Variants in FAM91A1 observed in about 807,000 individuals in gnomAD.
FAM91A1 encodes the protein family with sequence similarity 91 member A1.
FAM91A1 carries 41 observed loss-of-function variants against 113.5 expected under a neutral mutation model. That is an observed-to-expected ratio of 0.36 (90% CI 0.28 to 0.47). The LOEUF (loss-of-function observed/expected upper bound fraction) is 0.47. Among genes scored for constraint, FAM91A1 ranks in the 20% least tolerant of loss-of-function variants. The pLI is 1.00. For missense variants in FAM91A1, 696 were observed against 1,001.2 expected (o/e 0.70, Z 4.11); for synonymous variants, 307 against 347.9 (o/e 0.88, Z 1.31).
rs1367706447 is a variant in FAM91A1 at position 123,778,016 on chromosome 8, T to C, written c.368-9T>C. The C allele has an allele frequency of 6.2e-7, 1 of 1,610,282 alleles. No homozygotes were observed. Among genetic ancestry groups the C allele is most frequent in the South Asian group, 1.1e-5 (1 of 90,842 alleles). On this transcript the variant is annotated splice_polypyrimidine_tract_variant and intron_variant, in intron 4 of 23. Coordinates refer to ENST00000334705, the MANE Select transcript of FAM91A1 (RefSeq NM_144963.4). ...TAAATGTTTTTAAAGGAAAGACTCT[T>C]TTTTTCAGGTCTAAGGCTTCTTGGC...
intron 8 of FAM91A1, among the ~76,000 whole-genome samples, chr8:123,781,435 A>T (rs1179913450): frequency 6.7e-6 from 1 of 148,496 alleles, no homozygotes; most frequent in African/African-American, 2.5e-5. Context: ...TATGTTTGTG[A>T]TTCTTTAATA....
At chr8:123,809,742 C>T (rs1815905263) in intron 22 of FAM91A1, among the ~76,000 whole-genome samples, 2 of 152,104 alleles carry the variant, frequency 1.3e-5, no homozygotes, top group Admixed American at 6.6e-5. Flanking sequence ...GAAGAGTACT[C>T]AGTTGACAAT....
intron 1 of FAM91A1, among the ~76,000 whole-genome samples, chr8:123,769,739 A>G (rs766953126): frequency 2.6e-4 from 40 of 152,236 alleles, no homozygotes; most frequent in Non-Finnish European, 5.7e-4. Context: ...AAATGAATAA[A>G]TACGTAACAT....
At chr8:123,772,311 G>C (rs1480829116) in intron 1 of FAM91A1, among the ~76,000 whole-genome samples, 1 of 152,200 alleles carries the variant, frequency 6.6e-6, no homozygotes, top group South Asian at 2.1e-4. Context: ...GCAAAATTGT[G>C]TGCTTGTTTG....
In FAM91A1 at chr8:123,803,003, T is replaced by C. The variant is rs1383157086; in HGVS notation, c.1810-2264T>C. 2.0e-5 allele frequency among the ~76,000 whole-genome samples: 3 copies of C among 152,184 alleles called. No individual in the cohort carries two copies. The East Asian group carries it at 5.8e-4, about 29-fold the overall frequency. Reference sequence around the variant, plus strand: ...TGGGTGATTCCACGAGCTTCAGTTTTCCTTACCTTTAAAATGAAGGGTGGC... The same window carrying C: ...TGGGTGATTCCACGAGCTTCAGTTTCCCTTACCTTTAAAATGAAGGGTGGC... On this transcript the variant is annotated intron_variant, in intron 18 of 23. Transcript: ENST00000334705.
At chr8:123,808,748 C>T (rs1815875580) in intron 21 of FAM91A1, 145 bp from the exon 22 acceptor site, 1 of 734,638 alleles carries the variant, frequency 1.4e-6, no homozygotes, top group Non-Finnish European at 2.1e-6. Context: ...TCAATTTCTT[C>T]CTCCCCTGCC....
At position 123,778,700 on chromosome 8, in the gene FAM91A1, A is replaced by T. The variant is rs201958641; in HGVS notation, c.477A>T (p.Ile159=). 1,425 of 1,610,322 alleles carry T rather than the reference A, an allele frequency of 8.8e-4. 30 individuals carry two copies. The South Asian group carries it at 0.015, about 17-fold the overall frequency. Reference sequence around the variant, plus strand: ...AAACAGCCCGTGATCTTCTACCAATAAAGCCAGTGGAAATTGCCATAGAGG... The same window carrying T: ...AAACAGCCCGTGATCTTCTACCAATTAAGCCAGTGGAAATTGCCATAGAGG... ...RRKTARDLLP[I]KPVEIAIEAW... is the part of the protein sequence containing the mutation. The change falls in exon 6 of 24, where the codon ATA becomes ATT. Residue 159 remains isoleucine (I), a synonymous_variant. Coordinates refer to ENST00000334705, the MANE Select transcript of FAM91A1 (RefSeq NM_144963.4).
At chr8:123,798,341 A>G in intron 16 of FAM91A1, 103 bp downstream of exon 16, 13 of 1,347,438 alleles carry the variant, frequency 9.6e-6, no homozygotes, top group Non-Finnish European at 1.2e-5. Flanking sequence ...ACTGAATCAT[A>G]GAAAGCAATT....
intron 23 of FAM91A1, chr8:123,811,231 CAAGAGGT>C (rs1289572004): frequency 2.0e-5 from 3 of 152,126 alleles, no homozygotes; most frequent in African/African-American, 7.2e-5. Flanking sequence ...GGGGTAGAAG[CAAGAGGT>C]AAGGTTGAAG....
chr8:123,805,257 T>G lies in FAM91A1; in HGVS notation c.1810-10T>G. 1 of 1,602,840 alleles carries G rather than the reference T, an allele frequency of 6.2e-7. No individual in the cohort carries two copies. The highest frequency in any genetic ancestry group is 8.5e-7 in the Non-Finnish European group (1 of 1,174,836). ...TTCTTGTATACCTTTTAACTTTTGT[T>G]TATGTTTAGGGGCATGGTCTGCATG... On this transcript the variant is annotated splice_polypyrimidine_tract_variant and intron_variant, in intron 18 of 23. Coordinates refer to ENST00000334705, the MANE Select transcript of FAM91A1 (RefSeq NM_144963.4).
intron 3 of FAM91A1, among the ~76,000 whole-genome samples, chr8:123,776,351 G>A (rs1262153743): frequency 6.6e-6 from 1 of 152,230 alleles, no homozygotes; most frequent in Non-Finnish European, 1.5e-5. Context: ...GTGGTAACAT[G>A]AGGTTAGCCC....
chr8:123,802,113 A>G (rs768785669), intron 18 of FAM91A1, among the ~76,000 whole-genome samples: 1 of 152,110 alleles, frequency 6.6e-6, no homozygotes, highest in African/African-American at 2.4e-5. Flanking sequence ...AGGGATTAAC[A>G]TGGTCAAATT....
chr8:123,793,170 G>A (rs1399030566), intron 15 of FAM91A1, among the ~76,000 whole-genome samples: 4 of 152,040 alleles, frequency 2.6e-5, no homozygotes, highest in Non-Finnish European at 4.4e-5. Context: ...CCCTTCATTG[G>A]TGATGTTAAT....
intron 11 of FAM91A1, chr8:123,786,159 C>T (rs1815253034): frequency 3.7e-6 from 1 of 268,548 alleles, no homozygotes; most frequent in Admixed American, 4.9e-5. Flanking sequence ...GAGGTGAGCC[C>T]TTTATATTAG....
At chr8:123,780,202 A>C (rs764857201) in intron 7 of FAM91A1, 127 bp downstream of exon 7, 2 of 832,648 alleles carry the variant, frequency 2.4e-6, no homozygotes, top group Non-Finnish European at 3.7e-6. Flanking sequence ...TATTGTTTGA[A>C]ATGTGACCTT....
chr8:123,794,026 G>A (rs1266778667), intron 15 of FAM91A1, among the ~76,000 whole-genome samples: 1 of 152,192 alleles, frequency 6.6e-6, no homozygotes, highest in Non-Finnish European at 1.5e-5. Context: ...AGGAGCTCTT[G>A]CCCTTATACT....
At position 123,814,193 on chromosome 8, in the gene FAM91A1, G is replaced by A; in HGVS notation, c.*1489G>A. 2.6e-6 allele frequency: 1 copy of A among 385,468 alleles called. No individual in the cohort carries two copies. The highest frequency in any genetic ancestry group is 4.9e-6 in the Non-Finnish European group (1 of 203,632). 23.9% of individuals were successfully genotyped at this position (385,468 alleles called of 1,614,324 possible). ...TAGAAACCATGTGTATGTTATGTTT[G>A]TCTATAAAAGAAAAAATACTAATAT... On this transcript the variant is annotated 3_prime_UTR_variant, in exon 24 of 24. Coordinates refer to ENST00000334705, the MANE Select transcript of FAM91A1 (RefSeq NM_144963.4).
rs548656202 is a variant in FAM91A1, at chr8:123,814,668, A to C, written c.*1964A>C. Reference sequence around the variant, plus strand: ...TTCTTGTGTTGAATGAGGCAAGGGTAATCATCTGATTCCGAGCTGAAGACC... The same window carrying C: ...TTCTTGTGTTGAATGAGGCAAGGGTCATCATCTGATTCCGAGCTGAAGACC... On this transcript the variant is annotated 3_prime_UTR_variant, in exon 24 of 24. Transcript: ENST00000334705. 6.6e-6 allele frequency: 1 copy of C among 152,656 alleles called. No homozygotes were observed. The highest frequency in any genetic ancestry group is 1.5e-5 in the Non-Finnish European group (1 of 68,072). 9.5% of individuals were successfully genotyped at this position (152,656 alleles called of 1,614,324 possible).
chr8:123,811,853 T>G (rs1299732979), intron 23 of FAM91A1, among the ~76,000 whole-genome samples: 1 of 152,064 alleles, frequency 6.6e-6, no homozygotes, highest in Non-Finnish European at 1.5e-5. Context: ...TAGTGTTTTG[T>G]AAGGTTTTTT....
Sources: gnomAD v4.1 joint callset for allele counts (sites outside exome capture counted in the v4.1 genomes callset) on GRCh38, gnomAD v4.1.1 for gene constraint, MANE v1.5 for transcripts, NCBI Gene and HGNC (gene_info 2026-07-23, HGNC 2026-07-21) for gene names.